The following SETX variants were observed in gnomAD, a reference collection of about 807,000 sequenced individuals.
SETX encodes the protein helicase senataxin.
A neutral mutation model predicts 227.2 loss-of-function variants in SETX; 90 were observed. The ratio of observed to expected loss-of-function variants is 0.40; its 90% CI spans 0.33 to 0.47. The LOEUF (loss-of-function observed/expected upper bound fraction) is 0.47. Ranked by LOEUF, SETX falls within the 20% of genes least tolerant of loss-of-function variation. The pLI, the probability that SETX is intolerant of heterozygous loss-of-function variation, is 0.91. For missense variants in SETX, 3,052 were observed against 3,181.5 expected, an observed-to-expected ratio of 0.96 and a Z score of 0.98; for synonymous variants, 1,210 against 1,113.2, an observed-to-expected ratio of 1.09 and a Z score of -1.73.
intron 5 of SETX, among the ~76,000 whole-genome samples, chr9:132,337,130 C>G (rs899405172): frequency 6.6e-6 from 1 of 151,582 alleles, no homozygotes; most frequent in African/African-American, 2.4e-5. Context: ...GAAATACATA[C>G]TGAAATATTT....
intron 6 of SETX, 72 bp downstream of exon 6, chr9:132,336,223 AC>A (rs1847605420): frequency 2.5e-5 from 2 of 78,998 alleles, no homozygotes; most frequent in East Asian, 9.4e-5. Flanking sequence ...AGCCTGGGCA[AC>A]AGAGTGAGAC....
chr9:132,336,122 A>C (rs963808248), intron 6 of SETX, among the ~76,000 whole-genome samples, 174 bp downstream of exon 6: 3 of 152,308 alleles, frequency 2.0e-5, no homozygotes, highest in South Asian at 4.1e-4. Context: ...GTTTGCCTGT[A>C]ATCACAGCTA....
intron 20 of SETX, among the ~76,000 whole-genome samples, chr9:132,278,720 A>C (rs76873737): frequency 0.075 from 11,481 of 152,188 alleles, 831 homozygotes; most frequent in East Asian, 0.38. Context: ...TGCTATTTTG[A>C]TGCTACAAGA....
intron 11 of SETX, among the ~76,000 whole-genome samples, chr9:132,302,386 G>A (rs1845049685): frequency 7.2e-6 from 1 of 139,546 alleles, no homozygotes; most frequent in Admixed American, 7.2e-5. Flanking sequence ...AAGGCCAGGT[G>A]TGGTGGCTCA....
chr9:132,321,210 G>A (rs1846306208), intron 10 of SETX, among the ~76,000 whole-genome samples: 3 of 152,134 alleles, frequency 2.0e-5, no homozygotes, highest in Admixed American at 2.0e-4. Flanking sequence ...AGACCTGACA[G>A]GAAAAATAAA....
At chr9:132,286,555 A>G in intron 17 of SETX, 61 bp from the exon 18 acceptor site, 1 of 1,100,938 alleles carries the variant, frequency 9.1e-7, no homozygotes, top group Non-Finnish European at 1.4e-6. Flanking sequence ...ATGCCTTCCA[A>G]TGGACTACCT....
At chr9:132,299,907 T>C (rs545679427) in intron 12 of SETX, among the ~76,000 whole-genome samples, 82 of 151,272 alleles carry the variant, frequency 5.4e-4, no homozygotes, top group African/African-American at 1.8e-3. Flanking sequence ...CTTTGGGAGG[T>C]TGATGGGGGT....
intron 11 of SETX, 95 bp from the exon 12 acceptor site, chr9:132,300,898 C>A (rs1844956198): frequency 2.7e-6 from 3 of 1,103,756 alleles, no homozygotes; most frequent in Non-Finnish European, 3.9e-6. Context: ...GTATTAAGTT[C>A]AAAAATACAC....
intron 21 of SETX, 71 bp from the exon 22 acceptor site, chr9:132,277,223 C>T (rs1415561574): frequency 7.1e-7 from 1 of 1,412,834 alleles, no homozygotes; most frequent in Non-Finnish European, 9.8e-7. Context: ...GGTATTACTA[C>T]AATTTTTTCT....
At chr9:132,276,843 G>C (rs932340186) in intron 22 of SETX, among the ~76,000 whole-genome samples, 2 of 152,202 alleles carry the variant, frequency 1.3e-5, no homozygotes, top group Admixed American at 6.5e-5. Context: ...CCTCACTGCT[G>C]TGAGCTCAAC....
chr9:132,330,452 C>T lies in SETX; in HGVS notation c.1146G>A (p.Met382Ile), dbSNP rs1423737702. 1 of 1,613,944 alleles carries T rather than the reference C, an allele frequency of 6.2e-7. No homozygotes were observed. Among genetic ancestry groups the T allele is most frequent in the Non-Finnish European group, 8.5e-7 (1 of 1,179,988 alleles). ...TAICPDYCPN[M>I]YEEMETLASV... ...TGGCTAATGTTTCCATTTCTTCATA[C>T]ATGTTAGGACAATAATCTGGGCAAA... The change falls in exon 10 of 26, where the codon ATG becomes ATA. Residue 382 changes from methionine (M) to isoleucine (I), a missense_variant. Met to Ile is a conservative substitution (Grantham distance 10, BLOSUM62 1). Around this residue, in one of 10 missense-constraint regions of SETX, gnomAD observed 39 missense variants for 84.8 expected, o/e 0.46. Transcript: ENST00000224140.
chr9:132,323,102 T>C (rs1846471282), intron 10 of SETX, among the ~76,000 whole-genome samples: 1 of 152,176 alleles, frequency 6.6e-6, no homozygotes, highest in Non-Finnish European at 1.5e-5. Flanking sequence ...TCCTCTTCTC[T>C]GGAAGCCTGA....
At chr9:132,325,259 G>C (rs893261561) in intron 10 of SETX, among the ~76,000 whole-genome samples, 2 of 152,192 alleles carry the variant, frequency 1.3e-5, no homozygotes, top group African/African-American at 4.8e-5. Flanking sequence ...GGGAGGCTGA[G>C]GCAGGAGAAC....
intron 18 of SETX, among the ~76,000 whole-genome samples, chr9:132,285,991 T>G (rs1466129536): frequency 1.3e-5 from 2 of 149,894 alleles, no homozygotes; most frequent in African/African-American, 4.9e-5. Flanking sequence ...CAGACCATCC[T>G]GGCCAACACG....
chr9:132,308,561 T>C (rs1845463640), intron 11 of SETX, among the ~76,000 whole-genome samples: 2 of 152,216 alleles, frequency 1.3e-5, no homozygotes, highest in African/African-American at 4.8e-5. Context: ...GAACACTGAC[T>C]GATATGAAGG....
At chr9:132,286,222 C>T (rs1048980407) in intron 18 of SETX, among the ~76,000 whole-genome samples, 1 of 149,592 alleles carries the variant, frequency 6.7e-6, no homozygotes, top group Non-Finnish European at 1.5e-5. Context: ...CATGGTGGTG[C>T]ACGCCTGTAA....
intron 11 of SETX, among the ~76,000 whole-genome samples, chr9:132,311,110 G>C (rs1201562900): frequency 6.6e-6 from 1 of 152,128 alleles, no homozygotes; most frequent in African/African-American, 2.4e-5. Flanking sequence ...GGGACTACAG[G>C]CACCCGCCAC....
In SETX at chr9:132,328,399, T is replaced by C. The variant is rs1355488297; in HGVS notation, c.3199A>G (p.Thr1067Ala). 2.5e-6 allele frequency: 4 copies of C among 1,614,024 alleles called. No individual in the cohort carries two copies. Among genetic ancestry groups the C allele is most frequent in the Admixed American group, 1.7e-5 (1 of 60,016 alleles). ...TCCTCAAACTGAAAAAGAGTCTCTG[T>C]CTTTTCTTCCTTTACTGGATTCTTT... ...EEKNPVKEEK[T>A]ETLFQFEESD... The change falls in exon 10 of 26, where the codon ACA becomes GCA. Residue 1067 changes from threonine (T) to alanine (A), a missense_variant. Thr to Ala is a moderately conservative substitution (Grantham distance 58, BLOSUM62 0). Coordinates refer to ENST00000224140, the MANE Select transcript of SETX (RefSeq NM_015046.7).
Position 132,327,912 on chromosome 9 carries a change from C to G in SETX, c.3686G>C (p.Cys1229Ser). Residue 1229 changes from cysteine (C) to serine (S), a missense_variant, in exon 10 of 26, where the codon TGT (cysteine) becomes TCT (serine). Around this residue, in one of 10 missense-constraint regions of SETX, gnomAD observed 1,483 missense variants for 1,312.0 expected, o/e 1.13. Coordinates refer to ENST00000224140, the MANE Select transcript of SETX (RefSeq NM_015046.7). Reference sequence around the variant, plus strand: ...TGGAACTTTCCTGATGGGTTCTGTACAAGTACAAAGCTTTGAAGACTTCTT... The same window carrying G: ...TGGAACTTTCCTGATGGGTTCTGTAGAAGTACAAAGCTTTGAAGACTTCTT... ...SQKKSSKLCTCTEPIRKVPVS... is the reference protein window; with the variant it reads ...SQKKSSKLCTSTEPIRKVPVS... 5 of 1,614,152 alleles carry G rather than the reference C, an allele frequency of 3.1e-6. No homozygotes were observed. The highest frequency in any genetic ancestry group is 4.2e-6 in the Non-Finnish European group (5 of 1,180,022).
Sources: gnomAD v4.1 joint callset for allele counts (sites outside exome capture counted in the v4.1 genomes callset) on GRCh38, gnomAD v4.1.1 for gene constraint, gnomAD v4.1.1 regional missense constraint, MANE v1.5 for transcripts, NCBI Gene and HGNC (gene_info 2026-07-23, HGNC 2026-07-21) for gene names.